Variants in SMOX observed in about 807,000 individuals in gnomAD.
The protein encoded by SMOX is spermine oxidase.
In SMOX, 22 loss-of-function variants were observed where a neutral mutation model predicts 51.0. The ratio of observed to expected loss-of-function variants is 0.43; its 90% confidence interval spans 0.31 to 0.62. The LOEUF is 0.62. SMOX is among the 20% of genes least tolerant of loss of function. SMOX has a pLI of 0.10. For missense variants in SMOX, 566 were observed against 777.7 expected (o/e 0.73, Z 3.24); for synonymous variants, 282 against 307.8 (o/e 0.92, Z 0.88).
intron 1 of SMOX, among the ~76,000 whole-genome samples, chr20:4,160,333 G>A (rs1986245910): frequency 6.6e-6 from 1 of 152,034 alleles, no homozygotes; most frequent in Non-Finnish European, 1.5e-5. Context: ...TATGTGGGGA[G>A]GAGTAAGATG....
intron 6 of SMOX, among the ~76,000 whole-genome samples, chr20:4,184,204 T>C (rs1264797770): frequency 6.6e-6 from 1 of 151,426 alleles, no homozygotes; most frequent in Non-Finnish European, 1.5e-5. Flanking sequence ...ATCATACTGC[T>C]AGGCTGGTCT....
intron 1 of SMOX, among the ~76,000 whole-genome samples, chr20:4,168,298 G>A (rs1452306627): frequency 6.6e-6 from 1 of 152,188 alleles, no homozygotes; most frequent in Non-Finnish European, 1.5e-5. Context: ...CAGATGTGCG[G>A]TTGGAGGAGG....
At chr20:4,154,761 G>C (rs916831018) in intron 1 of SMOX, among the ~76,000 whole-genome samples, 1 of 151,942 alleles carries the variant, frequency 6.6e-6, no homozygotes, top group African/African-American at 2.4e-5. Context: ...CTTGAGGGAC[G>C]AGTGCAGTTC....
chr20:4,182,902 CCCT>C lies in SMOX; in HGVS notation c.1369+59_1369+61del, dbSNP rs1237193555. ...CCCCACCCTGCTTCTTCCTCACCTG[CCCT>C]CCTCTGGTGGACCCATGGCAGCTCT... On this transcript the variant is annotated intron_variant, in intron 5 of 6. Coordinates refer to ENST00000305958, the MANE Select transcript of SMOX (RefSeq NM_175839.3). The surrounding 1 kb of genome is among the most constrained non-coding windows in gnomAD (Gnocchi z 8.4). 1.5e-5 allele frequency: 23 copies of C among 1,552,514 alleles called. No individual in the cohort carries two copies. Among genetic ancestry groups the C allele is most frequent in the Non-Finnish European group, 1.8e-5 (21 of 1,155,152 alleles).
chr20:4,158,363 C>G (rs1440884455), intron 1 of SMOX, among the ~76,000 whole-genome samples: 1 of 152,124 alleles, frequency 6.6e-6, no homozygotes, highest in African/African-American at 2.4e-5. Context: ...CTTTCTTCCT[C>G]AAGCATGTAG....
rs185965464 is a variant in SMOX, at chr20:4,178,442, T to A, written c.435+865T>A. ...TCTTGCCTTATTGCACTGGTTAGTATCTCAGTGCAGTGTTGGACAGAAGTG... is the reference window on the plus strand; with the variant it reads ...TCTTGCCTTATTGCACTGGTTAGTAACTCAGTGCAGTGTTGGACAGAAGTG... On this transcript the variant is annotated intron_variant, in intron 3 of 6. Coordinates refer to ENST00000305958, the MANE Select transcript of SMOX (RefSeq NM_175839.3). Among the ~76,000 whole-genome samples, 27 of 152,350 alleles carry A rather than the reference T, an allele frequency of 1.8e-4. No homozygotes were observed. The East Asian group carries it at 4.8e-3, about 27-fold the overall frequency.
At chr20:4,168,233 A>G (rs1246386587) in intron 1 of SMOX, among the ~76,000 whole-genome samples, 1 of 152,104 alleles carries the variant, frequency 6.6e-6, no homozygotes, top group Non-Finnish European at 1.5e-5. Context: ...GGTCGGGGGC[A>G]AGTGAGCTGT....
intron 1 of SMOX, among the ~76,000 whole-genome samples, chr20:4,165,716 A>G (rs1199179923): frequency 6.6e-6 from 1 of 152,102 alleles, no homozygotes; most frequent in African/African-American, 2.4e-5. Context: ...GATTTTCCCC[A>G]TTTGACAAAT....
intron 3 of SMOX, among the ~76,000 whole-genome samples, chr20:4,178,915 T>G (rs1409004295): frequency 1.3e-5 from 2 of 152,154 alleles, no homozygotes; most frequent in African/African-American, 4.8e-5. Flanking sequence ...ACTCCTGACC[T>G]CAGGTGATCC....
Position 4,182,757 on chromosome 20 carries a change from C to T in SMOX, c.1278C>T (p.Gly426=), listed in dbSNP as rs766837989. 1 of 1,614,098 alleles carries T rather than the reference C, an allele frequency of 6.2e-7. No individual in the cohort carries two copies. Among genetic ancestry groups the T allele is most frequent in the South Asian group, 1.1e-5 (1 of 91,082 alleles). The change falls in exon 5 of 7, where the codon GGC becomes GGT. Residue 426 remains glycine (G), a synonymous_variant. Transcript: ENST00000305958. The surrounding 1 kb of genome is among the most constrained non-coding windows in gnomAD (Gnocchi z 8.4). ...PPERYGHVLS[G]WICGEEALVM... is the part of the protein sequence containing the mutation. ...AGCGCTACGGCCATGTGCTGAGCGG[C>T]TGGATCTGCGGGGAGGAGGCCCTCG...
intron 3 of SMOX, among the ~76,000 whole-genome samples, chr20:4,178,897 G>A (rs1979105924): frequency 6.6e-6 from 1 of 152,064 alleles, no homozygotes; most frequent in Non-Finnish European, 1.5e-5. Flanking sequence ...TGGTCAGGCT[G>A]GTCTCGAACT....
chr20:4,172,077 A>G lies in SMOX; in HGVS notation c.-26-2953A>G, dbSNP rs1184953973. On this transcript the variant is annotated intron_variant, in intron 1 of 6. Coordinates refer to ENST00000305958, the MANE Select transcript of SMOX (RefSeq NM_175839.3). The surrounding 1 kb of genome is among the most constrained non-coding windows in gnomAD (Gnocchi z 7.7). ...CTCCAGGGAGCCTGGGGTGAGGGGGACCCCCAGTTTAATACCTGCTACACC... is the reference window on the plus strand; with the variant it reads ...CTCCAGGGAGCCTGGGGTGAGGGGGGCCCCCAGTTTAATACCTGCTACACC... 6.6e-6 allele frequency among the ~76,000 whole-genome samples: 1 copy of G among 151,732 alleles called. No individual in the cohort carries two copies.
chr20:4,174,767 C>T (rs1452402942), intron 1 of SMOX, among the ~76,000 whole-genome samples: 1 of 152,222 alleles, frequency 6.6e-6, no homozygotes, highest in Non-Finnish European at 1.5e-5. Flanking sequence ...ACCCAAAATG[C>T]ATCCCTCCCT....
At position 4,183,284 on chromosome 20, in the gene SMOX, G is replaced by C. The variant is rs554804800; in HGVS notation, c.1370-210G>C. On this transcript the variant is annotated intron_variant, in intron 5 of 6. Transcript: ENST00000305958. This position sits in a 1 kb window ranked among gnomAD's most constrained non-coding sequence, Gnocchi z 4.3. ...ATAGATAGGAAAAGTAAGGTGGAGCGTTTTGCCGGGGGTCACAGGAGGCGC... is the reference window on the plus strand; with the variant it reads ...ATAGATAGGAAAAGTAAGGTGGAGCCTTTTGCCGGGGGTCACAGGAGGCGC... The C allele has an allele frequency of 1.6e-6, 1 of 638,462 alleles. No homozygotes were observed. Among genetic ancestry groups the C allele is most frequent in the African/African-American group, 1.8e-5 (1 of 54,672 alleles). The allele number at this position is 638,462 out of a possible 1,614,324, so 39.5% of individuals were successfully genotyped here.
intron 1 of SMOX, among the ~76,000 whole-genome samples, chr20:4,156,770 C>T (rs1270377846): frequency 2.0e-5 from 3 of 152,028 alleles, no homozygotes; most frequent in Non-Finnish European, 2.9e-5. Context: ...TGAGATGGAG[C>T]CTCACTCTGT....
Position 4,177,483 on chromosome 20 carries a change from T to A in SMOX, c.341T>A (p.Leu114His). The A allele has an allele frequency of 1.3e-6, 2 of 1,585,856 alleles. No homozygotes were observed. The highest frequency in any genetic ancestry group is 1.7e-6 in the Non-Finnish European group (2 of 1,164,666). Reference protein sequence around the residue: ...DGERSVGRISLYSKNGVACYL... With the variant: ...DGERSVGRISHYSKNGVACYL... ...GAACGCAGCGTGGGCCGCATCAGCCTCTATTCCAAGAATGGCGTGGCCTGC... is the reference window on the plus strand; with the variant it reads ...GAACGCAGCGTGGGCCGCATCAGCCACTATTCCAAGAATGGCGTGGCCTGC... The change falls in exon 3 of 7, where the codon CTC (leucine) becomes CAC (histidine). Residue 114 changes from leucine to histidine, a missense_variant. Leu to His is a moderately conservative substitution (Grantham distance 99). Transcript: ENST00000305958. This position sits in a 1 kb window ranked among gnomAD's most constrained non-coding sequence, Gnocchi z 4.3.
At position 4,187,148 on chromosome 20, in the gene SMOX, C is replaced by A; in HGVS notation, c.1531-122C>A. On this transcript the variant is annotated intron_variant, in intron 6 of 6. Transcript: ENST00000305958. The surrounding 1 kb of genome is among the most constrained non-coding windows in gnomAD (Gnocchi z 4.8). Reference sequence around the variant, plus strand: ...CTTCATCCTGTGGAAGCAGCAGCACCTGCGTCTCAGAGCCTCTCTAATTTG... The same window carrying A: ...CTTCATCCTGTGGAAGCAGCAGCACATGCGTCTCAGAGCCTCTCTAATTTG... 7.8e-7 allele frequency: 1 copy of A among 1,277,134 alleles called. No individual in the cohort carries two copies. 79.1% of individuals were successfully genotyped at this position (1,277,134 alleles called of 1,614,324 possible). A position where few individuals can be genotyped will look rare whatever the true frequency, so the allele number is the denominator to read the frequency against.
At chr20:4,185,600 C>A (rs1235069569) in intron 6 of SMOX, among the ~76,000 whole-genome samples, 1 of 98,672 alleles carries the variant, frequency 1.0e-5, no homozygotes, top group Non-Finnish European at 1.9e-5. Context: ...CAGAGCGAGA[C>A]CCTGTCTCAA....
chr20:4,179,690 C>T (rs1226454560), intron 3 of SMOX, among the ~76,000 whole-genome samples: 1 of 152,200 alleles, frequency 6.6e-6, no homozygotes, highest in Non-Finnish European at 1.5e-5. Context: ...CCAGTTCTAC[C>T]ATTTATTAGC....
Sources: allele counts gnomAD v4.1 joint callset (sites outside exome capture counted in the v4.1 genomes callset), GRCh38; gene constraint gnomAD v4.1.1; non-coding constraint Gnocchi (gnomAD v3.1); transcripts MANE v1.5; gene names NCBI Gene and HGNC (gene_info 2026-07-23, HGNC 2026-07-21).